Variants in CASR observed in about 807,000 individuals in gnomAD.
CASR encodes extracellular calcium-sensing receptor.
CASR carries 23 observed loss-of-function variants against 69.1 expected under a neutral mutation model. That is an observed-to-expected ratio of 0.33 (90% CI 0.24 to 0.47). The LOEUF (loss-of-function observed/expected upper bound fraction) is 0.47. CASR is among the 20% of genes least tolerant of loss of function. CASR has a pLI of 1.00. For missense variants in CASR, 924 were observed against 1,356.1 expected, an observed-to-expected ratio of 0.68 and a Z score of 5.00; for synonymous variants, 541 against 544.7, an observed-to-expected ratio of 0.99 and a Z score of 0.10.
intron 2 of CASR, among the ~76,000 whole-genome samples, chr3:122,256,355 TG>T (rs1456475436): frequency 3.9e-5 from 6 of 152,272 alleles, no homozygotes; most frequent in Non-Finnish European, 8.8e-5. Flanking sequence ...TATGTTTTCC[TG>T]GTCCTTTTCT....
intron 1 of CASR, among the ~76,000 whole-genome samples, chr3:122,193,031 T>A (rs1559933007): frequency 6.6e-6 from 1 of 152,236 alleles, no homozygotes. Context: ...GGAAAGTTTT[T>A]AACTTTTGGA....
chr3:122,203,350 A>T (rs1444674324), intron 1 of CASR, among the ~76,000 whole-genome samples: 1 of 152,130 alleles, frequency 6.6e-6, no homozygotes, highest in African/African-American at 2.4e-5. Flanking sequence ...TGATTTCATT[A>T]TTGTTCGAAC....
Position 122,275,820 on chromosome 3 carries a change from G to C in CASR, c.1386G>C (p.Lys462Asn). 1 of 1,612,550 alleles carries C rather than the reference G, an allele frequency of 6.2e-7. No individual in the cohort carries two copies. Among genetic ancestry groups the C allele is most frequent in the Non-Finnish European group, 8.5e-7 (1 of 1,178,658 alleles). ...TCTTTGCTCCTCTTTAGGTCCTGAA[G>C]CACCTACGGCATCTAAACTTTACAA... ...IKKVEAWQVL[K>N]HLRHLNFTNN... Residue 462 changes from lysine (K) to asparagine (N), a missense_variant, in exon 5 of 7, where the codon AAG becomes AAC. By Grantham distance (94) the Lys-to-Asn change is moderately conservative (BLOSUM62 0). This residue lies in a region of CASR where 310 missense variants were observed against 395.7 expected (regional missense o/e 0.78). Coordinates refer to ENST00000639785, the MANE Select transcript of CASR (RefSeq NM_000388.4).
intron 1 of CASR, among the ~76,000 whole-genome samples, chr3:122,226,428 A>G (rs138485228): frequency 6.6e-6 from 1 of 152,168 alleles, no homozygotes; most frequent in East Asian, 1.9e-4. Context: ...TGTGAACCCA[A>G]AGAGTGAGCA....
At chr3:122,213,311 A>G (rs866020283) in intron 1 of CASR, among the ~76,000 whole-genome samples, 2 of 152,130 alleles carry the variant, frequency 1.3e-5, no homozygotes, top group African/African-American at 4.8e-5. Flanking sequence ...TCCTTACATC[A>G]CATCAAAATC....
rs922458814 is a variant in CASR at position 122,255,151 on chromosome 3, C to T, written c.185+777C>T. The stretch of plus-strand genomic sequence containing the variant: ...TCCTGGTTGTCCTCCATCTGATGCC[C>T]CCTAATTTACTGCGACCCTTTTAGA... On this transcript the variant is annotated intron_variant, in intron 2 of 6. Transcript: ENST00000639785. Among the ~76,000 whole-genome samples the T allele has an allele frequency of 5.9e-5, 9 of 152,258 alleles. No individual in the cohort carries two copies. The South Asian group carries it at 8.3e-4, about 14-fold the overall frequency.
intron 6 of CASR, 93 bp downstream of exon 6, chr3:122,282,329 T>C (rs2074902244): frequency 4.0e-6 from 5 of 1,245,254 alleles, no homozygotes; most frequent in Non-Finnish European, 5.9e-6. Flanking sequence ...GCTGAGATGG[T>C]GCTTTGCACA....
At chr3:122,249,479 G>A (rs1039729480) in intron 1 of CASR, among the ~76,000 whole-genome samples, 4 of 152,198 alleles carry the variant, frequency 2.6e-5, no homozygotes, top group African/African-American at 9.7e-5. Flanking sequence ...ATCATTGCAC[G>A]AATTTATAAC....
intron 5 of CASR, among the ~76,000 whole-genome samples, chr3:122,281,879 CAT>C (rs10533065): frequency 0.29 from 43,804 of 151,840 alleles, 7,548 homozygotes; most frequent in East Asian, 0.55. Flanking sequence ...TGTGCATGCA[CAT>C]GTGTGTGTGT....
intron 1 of CASR, among the ~76,000 whole-genome samples, chr3:122,227,562 C>T (rs2074236559): frequency 6.6e-6 from 1 of 152,120 alleles, no homozygotes. Context: ...CCTCTCCCTC[C>T]ACACCTCCCT....
chr3:122,200,816 A>T (rs1342518773), intron 1 of CASR, among the ~76,000 whole-genome samples: 1 of 152,184 alleles, frequency 6.6e-6, no homozygotes, highest in Non-Finnish European at 1.5e-5. Flanking sequence ...TTACCCATTT[A>T]AACTTGTTCA....
At chr3:122,201,157 G>A (rs2107587365) in intron 1 of CASR, among the ~76,000 whole-genome samples, 1 of 152,266 alleles carries the variant, frequency 6.6e-6, no homozygotes, top group East Asian at 1.9e-4. Context: ...GCCTTCCGCA[G>A]TGTTTGTGTC....
At chr3:122,275,199 C>T (rs1290837171) in intron 4 of CASR, among the ~76,000 whole-genome samples, 1 of 152,180 alleles carries the variant, frequency 6.6e-6, no homozygotes, top group African/African-American at 2.4e-5. Context: ...ATTATGATGA[C>T]TTTTTTGTGC....
rs2074525204 is a variant in CASR at position 122,253,976 on chromosome 3, G to A, written c.-214G>A. The A allele has an allele frequency of 9.9e-6, 6 of 603,870 alleles. No homozygotes were observed. Among genetic ancestry groups the A allele is most frequent in the Non-Finnish European group, 1.8e-5 (6 of 338,402 alleles). 37.4% of individuals were successfully genotyped at this position (603,870 alleles called of 1,614,324 possible). On this transcript the variant is annotated 5_prime_UTR_variant, in exon 2 of 7. It adds an upstream start codon to the 5' untranslated region. Transcript: ENST00000639785. The stretch of plus-strand genomic sequence containing the variant: ...GCATCACAGGAGGCCTCTGCATGAT[G>A]TGGCTTCCAAAGACTCAAGGACCAC...
At chr3:122,223,989 GC>G (rs1319799317) in intron 1 of CASR, among the ~76,000 whole-genome samples, 2 of 152,020 alleles carry the variant, frequency 1.3e-5, no homozygotes, top group Non-Finnish European at 2.9e-5. Context: ...AAATTCAACA[GC>G]CCTTCATATT....
chr3:122,257,605 A>G (rs1466579716), intron 3 of CASR: 1 of 525,050 alleles, frequency 1.9e-6, no homozygotes, highest in Non-Finnish European at 3.4e-6. Flanking sequence ...AAATTCTTTT[A>G]AATGTACCTT....
chr3:122,262,170 G>A lies in CASR; in HGVS notation c.1135G>A (p.Glu379Lys), dbSNP rs1189291559. Reference protein sequence around the residue: ...PVDTFLRGHEESGDRFSNSST... With the variant: ...PVDTFLRGHEKSGDRFSNSST... Reference sequence around the variant, plus strand: ...GGACACCTTTCTGAGAGGTCACGAAGAAAGTGGCGACAGGTTTAGCAACAG... The same window carrying A: ...GGACACCTTTCTGAGAGGTCACGAAAAAAGTGGCGACAGGTTTAGCAACAG... Residue 379 changes from glutamate to lysine, a missense_variant, in exon 4 of 7, where the codon GAA (glutamate) becomes AAA (lysine). This residue lies in a region of CASR where 310 missense variants were observed against 395.7 expected (regional missense o/e 0.78). Transcript: ENST00000639785. 4 of 1,614,224 alleles carry A rather than the reference G, an allele frequency of 2.5e-6. No individual in the cohort carries two copies. Among genetic ancestry groups the A allele is most frequent in the Non-Finnish European group, 3.4e-6 (4 of 1,180,038 alleles).
intron 1 of CASR, among the ~76,000 whole-genome samples, chr3:122,209,487 C>T (rs1321729530): frequency 2.0e-5 from 3 of 152,116 alleles, no homozygotes; most frequent in African/African-American, 4.8e-5. Context: ...AGGAGCAGGT[C>T]GCATCTTATG....
At chr3:122,197,319 A>G (rs1330810646) in intron 1 of CASR, among the ~76,000 whole-genome samples, 1 of 152,140 alleles carries the variant, frequency 6.6e-6, no homozygotes, top group Admixed American at 6.5e-5. Context: ...CAAGCTAACT[A>G]ACTAAATGTC....
Sources: allele counts gnomAD v4.1 joint callset (sites outside exome capture counted in the v4.1 genomes callset), GRCh38; gene constraint gnomAD v4.1.1; regional missense constraint gnomAD v4.1.1; transcripts MANE v1.5; gene names NCBI Gene and HGNC (gene_info 2026-07-23, HGNC 2026-07-21).